The following UBL3 variants were observed in gnomAD, a reference collection of about 807,000 sequenced individuals.
UBL3 encodes ubiquitin like 3.
Under a neutral mutation model 18.4 loss-of-function variants are expected in UBL3, and 6 were observed. The observed-to-expected ratio is 0.33, with a 90% CI of 0.18 to 0.64. UBL3 has a LOEUF of 0.64. Ranked by LOEUF, UBL3 falls within the 30% of genes least tolerant of loss-of-function variation. The pLI is 0.76. For missense variants in UBL3, 109 were observed against 142.9 expected, an observed-to-expected ratio of 0.76 and a Z score of 1.21; for synonymous variants, 49 against 46.6, an observed-to-expected ratio of 1.05 and a Z score of -0.21.
At chr13:29,803,988 A>AATATAC (rs1877838588) in intron 1 of UBL3, among the ~76,000 whole-genome samples, 1 of 151,980 alleles carries the variant, frequency 6.6e-6, no homozygotes, top group East Asian at 1.9e-4. Flanking sequence ...CATTCTTCAG[A>AATATAC]ATGTATATTC....
chr13:29,842,869 T>G (rs988894336), intron 1 of UBL3, among the ~76,000 whole-genome samples: 1 of 152,170 alleles, frequency 6.6e-6, no homozygotes, highest in Admixed American at 6.5e-5. Flanking sequence ...TATGATCAAG[T>G]CCATGAAACA....
At position 29,849,784 on chromosome 13, in the gene UBL3, C is replaced by CCGTCGT. The variant is rs993080564; in HGVS notation, c.-252_-247dup. On this transcript the variant is annotated 5_prime_UTR_variant, in exon 1 of 5. Coordinates refer to ENST00000380680, the MANE Select transcript of UBL3 (RefSeq NM_007106.4). Reference sequence around the variant, plus strand: ...ACTCCCGGGACAGCAGAGGCAGCCCCCGTCGTCGTCGTCGTCGTCAACAGC... The same window carrying CCGTCGT: ...ACTCCCGGGACAGCAGAGGCAGCCCCCGTCGTCGTCGTCGTCGTCGTCGTCAACAGC... 118 of 590,584 alleles carry CCGTCGT rather than the reference C, an allele frequency of 2.0e-4. 2 individuals carry two copies. In the South Asian group the frequency reaches 2.1e-3, roughly 10 times the overall value. 36.6% of individuals were successfully genotyped at this position (590,584 alleles called of 1,614,324 possible).
At chr13:29,808,072 A>G (rs984344727) in intron 1 of UBL3, among the ~76,000 whole-genome samples, 3 of 152,194 alleles carry the variant, frequency 2.0e-5, no homozygotes, top group African/African-American at 7.2e-5. Flanking sequence ...AAATTCTCAA[A>G]GCCTCTGTTT....
At chr13:29,828,252 T>C (rs937178105) in intron 1 of UBL3, among the ~76,000 whole-genome samples, 9 of 152,378 alleles carry the variant, frequency 5.9e-5, no homozygotes, top group African/African-American at 2.2e-4. Flanking sequence ...GAAGTTCTCC[T>C]GGATAATATT....
chr13:29,846,424 C>T (rs1879229555), intron 1 of UBL3, among the ~76,000 whole-genome samples: 1 of 152,066 alleles, frequency 6.6e-6, no homozygotes, highest in Non-Finnish European at 1.5e-5. Flanking sequence ...CCATTCACTA[C>T]GGGTGCCACT....
At chr13:29,810,320 A>G (rs1878021211) in intron 1 of UBL3, among the ~76,000 whole-genome samples, 1 of 152,140 alleles carries the variant, frequency 6.6e-6, no homozygotes, top group Non-Finnish European at 1.5e-5. Flanking sequence ...AGTGGTATTT[A>G]GCCTGGGAAC....
chr13:29,774,213 C>T (rs1362049205), intron 2 of UBL3, among the ~76,000 whole-genome samples: 5 of 151,894 alleles, frequency 3.3e-5, no homozygotes, highest in African/African-American at 1.2e-4. Context: ...CTATTTATGG[C>T]AAAGACTTAT....
At position 29,835,109 on chromosome 13, in the gene UBL3, T is replaced by TATAA. The variant is rs1566000977; in HGVS notation, c.27+14402_27+14403insTTAT. 1.2e-3 allele frequency among the ~76,000 whole-genome samples: 18 copies of TATAA among 15,578 alleles called. 2 individuals are homozygous for TATAA. Among genetic ancestry groups the TATAA allele is most frequent in the Non-Finnish European group, 1.6e-3 (17 of 10,720 alleles). 10.2% of individuals were successfully genotyped at this position (15,578 alleles called of 152,430 possible). On this transcript the variant is annotated intron_variant, in intron 1 of 4. Coordinates refer to ENST00000380680, the MANE Select transcript of UBL3 (RefSeq NM_007106.4). ...ATATAAATATATATATATATATAAA[T>TATAA]ATATATATATATATAAATATATATA... is the stretch of plus-strand genomic sequence containing the variant.
At chr13:29,794,655 T>G (rs1877564442) in intron 1 of UBL3, among the ~76,000 whole-genome samples, 1 of 152,238 alleles carries the variant, frequency 6.6e-6, no homozygotes, top group Non-Finnish European at 1.5e-5. Flanking sequence ...GCATCCTAGT[T>G]TAGACTCTTA....
At chr13:29,783,201 G>A (rs1438642359) in intron 1 of UBL3, among the ~76,000 whole-genome samples, 3 of 152,132 alleles carry the variant, frequency 2.0e-5, no homozygotes, top group African/African-American at 7.2e-5. Flanking sequence ...TTTGGGCTCT[G>A]GATCTTTACT....
rs1058647 is a variant in UBL3 at position 29,849,586 on chromosome 13, G to A, written c.-48C>T. On this transcript the variant is annotated 5_prime_UTR_variant, in exon 1 of 5. Coordinates refer to ENST00000380680, the MANE Select transcript of UBL3 (RefSeq NM_007106.4). ...GATGTTTACGAAAAAAACAAACAAA[G>A]AAAAAAGAGCAGAAGTCTTCACGTT... 6.2e-7 allele frequency: 1 copy of A among 1,609,342 alleles called. No individual in the cohort carries two copies. The highest frequency in any genetic ancestry group is 2.2e-5 in the East Asian group (1 of 44,860).
chr13:29,770,925 C>T (rs1200293916), intron 3 of UBL3, among the ~76,000 whole-genome samples: 2 of 151,974 alleles, frequency 1.3e-5, no homozygotes, highest in Non-Finnish European at 2.9e-5. Flanking sequence ...ACCAGTGAAA[C>T]TCAGTGTGAG....
At chr13:29,842,593 A>G (rs183534034) in intron 1 of UBL3, among the ~76,000 whole-genome samples, 1 of 152,306 alleles carries the variant, frequency 6.6e-6, no homozygotes, top group East Asian at 1.9e-4. Flanking sequence ...GAGTTTCTTT[A>G]TCTATATACC....
intron 1 of UBL3, among the ~76,000 whole-genome samples, chr13:29,835,169 T>TAA (rs1878926559): frequency 3.2e-5 from 2 of 63,076 alleles, no homozygotes; most frequent in Non-Finnish European, 5.8e-5. Flanking sequence ...TATATATATA[T>TAA]ATATATATAT....
chr13:29,768,178 G>A (rs942227963), intron 3 of UBL3, among the ~76,000 whole-genome samples: 5 of 151,920 alleles, frequency 3.3e-5, no homozygotes, highest in African/African-American at 9.7e-5. Flanking sequence ...CCCTGTATTC[G>A]TCCATTAGAA....
chr13:29,831,105 CCTT>C (rs1878759618), intron 1 of UBL3, among the ~76,000 whole-genome samples: 1 of 151,872 alleles, frequency 6.6e-6, no homozygotes, highest in Non-Finnish European at 1.5e-5. Context: ...AGGGGTTGTG[CCTT>C]CAGGGTATCC....
rs1186607382 is a variant in UBL3, at chr13:29,766,238, A to G, written c.*1017T>C. The G allele has an allele frequency of 6.5e-6, 1 of 152,680 alleles. No individual in the cohort carries two copies. Among genetic ancestry groups the G allele is most frequent in the East Asian group, 1.9e-4 (1 of 5,192 alleles). The allele number at this position is 152,680 out of a possible 1,614,324, so 9.5% of individuals were successfully genotyped here. On this transcript the variant is annotated 3_prime_UTR_variant, in exon 5 of 5. Transcript: ENST00000380680. ...CCATAAAAATCAGCTTTTGACTTTA[A>G]TACAATTGCAAGCACTAATATCAAA...
In UBL3 at chr13:29,767,036, C is replaced by G; in HGVS notation, c.*219G>C. ...ATTCAAAAACCAATATGTGTTAAAA[C>G]AGCTCAACAAAAAATACAAGAAATA... On this transcript the variant is annotated 3_prime_UTR_variant, in exon 5 of 5. Coordinates refer to ENST00000380680, the MANE Select transcript of UBL3 (RefSeq NM_007106.4). 1 of 438,352 alleles carries G rather than the reference C, an allele frequency of 2.3e-6. No individual in the cohort carries two copies. Among genetic ancestry groups the G allele is most frequent in the Non-Finnish European group, 4.0e-6 (1 of 251,620 alleles). 27.2% of individuals were successfully genotyped at this position (438,352 alleles called of 1,614,324 possible).
intron 1 of UBL3, among the ~76,000 whole-genome samples, chr13:29,815,955 T>A (rs989676680): frequency 6.6e-6 from 1 of 151,902 alleles, no homozygotes; most frequent in African/African-American, 2.4e-5. Context: ...AGTTTCTGCA[T>A]GGAGTCATCA....
Sources: gnomAD v4.1 joint callset for allele counts (sites outside exome capture counted in the v4.1 genomes callset) on GRCh38, gnomAD v4.1.1 for gene constraint, MANE v1.5 for transcripts, NCBI Gene and HGNC (gene_info 2026-07-23, HGNC 2026-07-21) for gene names.